The following B3GALT1 variants were observed in gnomAD, a reference collection of about 807,000 sequenced individuals.
B3GALT1 encodes beta-1,3-galactosyltransferase 1, also known as UDP-Gal:betaGlcNAc beta 1,3-galactosyltransferase, polypeptide 1.
Under a neutral mutation model 23.2 loss-of-function variants are expected in B3GALT1, and 10 were observed. That is an observed-to-expected ratio of 0.43 (90% CI 0.27 to 0.73). The LOEUF is 0.73. Ranked by LOEUF, B3GALT1 falls within the 30% of genes least tolerant of loss-of-function variation. B3GALT1 has a pLI of 0.21. For synonymous variants in B3GALT1, 156 were observed against 141.5 expected (o/e 1.10, Z -0.73); for missense variants, 299 against 405.4 (o/e 0.74, Z 2.25).
At chr2:167,521,849 CAT>C (rs1700191519) in intron 2 of B3GALT1, among the ~76,000 whole-genome samples, 3 of 151,504 alleles carry the variant, frequency 2.0e-5, no homozygotes, top group Admixed American at 2.0e-4. Context: ...ACATATCATT[CAT>C]ATGTTTTTAT....
chr2:167,829,932 G>C (rs1689310215), intron 4 of B3GALT1, among the ~76,000 whole-genome samples: 1 of 152,184 alleles, frequency 6.6e-6, no homozygotes, highest in Admixed American at 6.5e-5. Context: ...GGAAAGGCCA[G>C]GAGAAGGGGC....
chr2:167,687,474 T>A (rs1686636909), intron 3 of B3GALT1, among the ~76,000 whole-genome samples: 1 of 152,130 alleles, frequency 6.6e-6, no homozygotes, highest in South Asian at 2.1e-4. Flanking sequence ...GTTGCTACTT[T>A]AAATACTGAC....
intron 3 of B3GALT1, chr2:167,715,680 C>T: frequency 6.2e-7 from 1 of 1,613,464 alleles, no homozygotes; most frequent in South Asian, 1.1e-5. Flanking sequence ...TCACAGGTTG[C>T]CTCCAAACTT....
intron 3 of B3GALT1, among the ~76,000 whole-genome samples, chr2:167,662,387 G>T (rs1465527387): frequency 1.3e-5 from 2 of 152,062 alleles, no homozygotes; most frequent in Non-Finnish European, 2.9e-5. Flanking sequence ...GTATAGAGAT[G>T]TTTCATATGC....
At chr2:167,732,451 G>T (rs1466845071) in intron 3 of B3GALT1, among the ~76,000 whole-genome samples, 1 of 152,174 alleles carries the variant, frequency 6.6e-6, no homozygotes, top group African/African-American at 2.4e-5. Context: ...ATTAAGTCCT[G>T]GTGAGCCTTT....
chr2:167,716,695 C>A (rs1687151524), intron 3 of B3GALT1, among the ~76,000 whole-genome samples: 1 of 152,208 alleles, frequency 6.6e-6, no homozygotes, highest in African/African-American at 2.4e-5. Context: ...TACTTTAGTG[C>A]ATAAGCCTGA....
intron 3 of B3GALT1, among the ~76,000 whole-genome samples, chr2:167,678,352 C>T (rs1686465425): frequency 1.3e-5 from 2 of 152,158 alleles, no homozygotes; most frequent in African/African-American, 4.8e-5. Flanking sequence ...CCCCATTTTA[C>T]AGATAAGAAA....
intron 4 of B3GALT1, among the ~76,000 whole-genome samples, chr2:167,841,128 A>G (rs927996197): frequency 8.5e-5 from 13 of 152,058 alleles, no homozygotes; most frequent in Non-Finnish European, 1.6e-4. Context: ...ATACATATGT[A>G]ACTAACCTGC....
chr2:167,794,374 GT>G lies in B3GALT1; in HGVS notation c.-351-24297del, dbSNP rs141316201. On this transcript the variant is annotated intron_variant, in intron 3 of 4. Coordinates refer to ENST00000392690, the MANE Select transcript of B3GALT1 (RefSeq NM_020981.4). ...GGAACATGTTGCTTTAGTTCAGGAA[GT>G]AAAAGAATAAAATTCTTTCTGTTGA... 2.8e-3 allele frequency among the ~76,000 whole-genome samples: 429 copies of G among 152,240 alleles called. 4 individuals are homozygous for G. Among genetic ancestry groups the G allele is most frequent in the African/African-American group, 9.6e-3 (400 of 41,564 alleles).
chr2:167,826,654 T>C (rs544080625), intron 4 of B3GALT1, among the ~76,000 whole-genome samples: 2 of 152,332 alleles, frequency 1.3e-5, no homozygotes, highest in Non-Finnish European at 2.9e-5. Flanking sequence ...GGGATGTTTA[T>C]GGCACATATG....
At chr2:167,724,213 A>G (rs1324804910) in intron 3 of B3GALT1, among the ~76,000 whole-genome samples, 2 of 152,176 alleles carry the variant, frequency 1.3e-5, no homozygotes, top group African/African-American at 4.8e-5. Context: ...TGTAATGCCC[A>G]TCAATATTAT....
intron 2 of B3GALT1, among the ~76,000 whole-genome samples, chr2:167,639,900 A>C (rs986329325): frequency 9.9e-5 from 15 of 152,118 alleles, no homozygotes; most frequent in Non-Finnish European, 1.6e-4. Flanking sequence ...CAAAGACCCT[A>C]CCAGGAGGAA....
At chr2:167,845,190 C>T (rs1354137810) in intron 4 of B3GALT1, among the ~76,000 whole-genome samples, 1 of 152,150 alleles carries the variant, frequency 6.6e-6, no homozygotes, top group African/African-American at 2.4e-5. Context: ...AGCATATAAT[C>T]TTGGGAGTTC....
At chr2:167,856,251 T>G (rs534554681) in intron 4 of B3GALT1, among the ~76,000 whole-genome samples, 1 of 152,144 alleles carries the variant, frequency 6.6e-6, no homozygotes, top group Non-Finnish European at 1.5e-5. Flanking sequence ...GTTTTCTATT[T>G]ATGAAAAACA....
chr2:167,354,375 T>C (rs1405330534), intron 1 of B3GALT1, among the ~76,000 whole-genome samples: 1 of 148,164 alleles, frequency 6.7e-6, no homozygotes, highest in Non-Finnish European at 1.5e-5. Flanking sequence ...TGAGATGGAG[T>C]CTCACTCTGT....
intron 4 of B3GALT1, among the ~76,000 whole-genome samples, chr2:167,825,193 A>T (rs1345322626): frequency 6.6e-6 from 1 of 150,778 alleles, no homozygotes. Context: ...CTGAGGCAGG[A>T]GAATGGCGTG....
At position 167,629,241 on chromosome 2, in the gene B3GALT1, A is replaced by T. The variant is rs1685398197; in HGVS notation, c.-409-17668A>T. On this transcript the variant is annotated intron_variant, in intron 2 of 4. Transcript: ENST00000392690. ...AATGTCTAAGAGATAGGTACATTTT[A>T]AGAGAGGAGCTTTGGTGTAAAAGTC... Among the ~76,000 whole-genome samples, 3 of 151,890 alleles carry T rather than the reference A, an allele frequency of 2.0e-5. 1 individual carries two copies. In the Middle Eastern group the frequency reaches 0.01, roughly 517 times the overall value.
At chr2:167,620,476 G>A (rs975299134) in intron 2 of B3GALT1, among the ~76,000 whole-genome samples, 3 of 152,004 alleles carry the variant, frequency 2.0e-5, no homozygotes, top group South Asian at 2.1e-4. Context: ...TTTAAGCAGA[G>A]GCATCATGGG....
intron 4 of B3GALT1, among the ~76,000 whole-genome samples, chr2:167,844,210 A>G (rs2105404338): frequency 6.6e-6 from 1 of 152,316 alleles, no homozygotes; most frequent in African/African-American, 2.4e-5. Flanking sequence ...TTAATAAATG[A>G]AAATATGTAA....
Sources: gnomAD v4.1 joint callset for allele counts (sites outside exome capture counted in the v4.1 genomes callset) on GRCh38, gnomAD v4.1.1 for gene constraint, MANE v1.5 for transcripts, NCBI Gene and HGNC (gene_info 2026-07-23, HGNC 2026-07-21) for gene names.